The following TMEM38B variants were observed in gnomAD, a reference collection of about 807,000 sequenced individuals.
The protein encoded by TMEM38B is transmembrane protein 38B.
TMEM38B carries 24 observed loss-of-function variants against 28.7 expected under a neutral mutation model. The observed-to-expected ratio is 0.84, with a 90% CI of 0.61 to 1.18. The LOEUF is 1.18. Ranked by LOEUF, TMEM38B falls within the 50% of genes most tolerant of loss-of-function variation. The probability of loss-of-function intolerance (pLI) is 0.00; values close to 1 mark genes in which losing one functional copy is unlikely to be tolerated. For synonymous variants in TMEM38B, 131 were observed against 127.7 expected, an observed-to-expected ratio of 1.03 and a Z score of -0.17; for missense variants, 380 against 350.9, an observed-to-expected ratio of 1.08 and a Z score of -0.66.
chr9:105,769,272 A>G (rs769591894), intron 5 of TMEM38B, among the ~76,000 whole-genome samples: 2 of 152,210 alleles, frequency 1.3e-5, no homozygotes, highest in Non-Finnish European at 2.9e-5. Context: ...TAACACTGAG[A>G]TACCATTTCT....
chr9:105,699,155 T>C (rs529985550), intron 1 of TMEM38B, among the ~76,000 whole-genome samples: 1 of 152,308 alleles, frequency 6.6e-6, no homozygotes, highest in South Asian at 2.1e-4. Flanking sequence ...GCTCAGTAGA[T>C]GGAGTGAGTA....
At position 105,743,615 on chromosome 9, in the gene TMEM38B, A is replaced by G. The variant is rs141236481; in HGVS notation, c.543-4458A>G. Among the ~76,000 whole-genome samples the G allele has an allele frequency of 7.9e-3, 1,208 of 152,302 alleles. 9 individuals carry two copies. Among genetic ancestry groups the G allele is most frequent in the African/African-American group, 0.027 (1,126 of 41,550 alleles). ...CAATTTAAGCATTAATATATTAGCT[A>G]AAAATAATATGCTGTCCTGGAGTTA... On this transcript the variant is annotated intron_variant, in intron 4 of 5. Coordinates refer to ENST00000374692, the MANE Select transcript of TMEM38B (RefSeq NM_018112.3).
intron 4 of TMEM38B, among the ~76,000 whole-genome samples, chr9:105,726,438 C>A (rs1346393487): frequency 6.6e-6 from 1 of 151,956 alleles, no homozygotes; most frequent in African/African-American, 2.4e-5. Flanking sequence ...GACATAAACA[C>A]ACACATTAGC....
intron 5 of TMEM38B, chr9:105,760,514 A>G: frequency 1.3e-6 from 1 of 743,384 alleles, no homozygotes; most frequent in Admixed American, 2.0e-5. Context: ...TTTGAAAAGC[A>G]AAAAGTTTCT....
intron 4 of TMEM38B, among the ~76,000 whole-genome samples, chr9:105,724,578 G>A (rs184057474): frequency 3.3e-5 from 5 of 150,302 alleles, no homozygotes; most frequent in African/African-American, 7.4e-5. Flanking sequence ...AGCTGAGATC[G>A]CACCACTGCA....
intron 5 of TMEM38B, among the ~76,000 whole-genome samples, chr9:105,764,419 G>A (rs1157300345): frequency 1.3e-5 from 2 of 152,084 alleles, no homozygotes; most frequent in African/African-American, 4.8e-5. Context: ...AAAATCACAA[G>A]CATTCTTATA....
rs190514430 is a variant in TMEM38B, at chr9:105,760,697, C to T, written c.660+12507C>T. ...GCAGCACTTTTTGGTGACAAACCTA[C>T]AATCAAGCAACCAATGCTGATTTTA... On this transcript the variant is annotated intron_variant, in intron 5 of 5. Coordinates refer to ENST00000374692, the MANE Select transcript of TMEM38B (RefSeq NM_018112.3). 2.4e-4 allele frequency: 303 copies of T among 1,258,856 alleles called. 1 individual carries two copies. The African/African-American group carries it at 3.8e-3, about 16-fold the overall frequency. The allele number at this position is 1,258,856 out of a possible 1,614,324, so 78.0% of individuals were successfully genotyped here. A position where few individuals can be genotyped will look rare whatever the true frequency, so the allele number is the denominator to read the frequency against.
chr9:105,696,328 C>A (rs1461987651), intron 1 of TMEM38B, among the ~76,000 whole-genome samples: 7 of 152,100 alleles, frequency 4.6e-5, no homozygotes, highest in Non-Finnish European at 8.8e-5. Flanking sequence ...CTCTGTCGCC[C>A]AGGCTGAAGT....
At chr9:105,772,353 TGGC>T in intron 5 of TMEM38B, among the ~76,000 whole-genome samples, 1 of 152,278 alleles carries the variant, frequency 6.6e-6, no homozygotes, top group South Asian at 2.1e-4. Flanking sequence ...CTTACAGCTT[TGGC>T]CTTCTCACAT....
intron 2 of TMEM38B, among the ~76,000 whole-genome samples, chr9:105,706,823 T>G (rs1445289799): frequency 6.6e-6 from 1 of 152,078 alleles, no homozygotes; most frequent in Non-Finnish European, 1.5e-5. Flanking sequence ...ACTTTTTTTT[T>G]TTTCTTTTTA....
intron 1 of TMEM38B, among the ~76,000 whole-genome samples, chr9:105,703,382 A>AT (rs1835523710): frequency 6.6e-6 from 1 of 152,208 alleles, no homozygotes; most frequent in African/African-American, 2.4e-5. Flanking sequence ...TGAACTCATC[A>AT]TTTTTTATGG....
At chr9:105,754,906 A>G (rs1319882054) in intron 5 of TMEM38B, among the ~76,000 whole-genome samples, 1 of 152,224 alleles carries the variant, frequency 6.6e-6, no homozygotes, top group Non-Finnish European at 1.5e-5. Flanking sequence ...GAAGAATCAA[A>G]TAAACACAAT....
chr9:105,765,887 C>T (rs774050046), intron 5 of TMEM38B, among the ~76,000 whole-genome samples: 8 of 151,942 alleles, frequency 5.3e-5, no homozygotes, highest in East Asian at 1.9e-4. Context: ...CTGCAACCTC[C>T]GCCGCATGGG....
chr9:105,715,991 C>T (rs148446186), intron 2 of TMEM38B, among the ~76,000 whole-genome samples: 1,551 of 152,218 alleles, frequency 0.01, 16 homozygotes, highest in Non-Finnish European at 0.017. Context: ...CATAAACTTG[C>T]AGAATGTGGT....
chr9:105,724,479 T>C (rs1836434627), intron 4 of TMEM38B, among the ~76,000 whole-genome samples: 1 of 151,822 alleles, frequency 6.6e-6, no homozygotes, highest in African/African-American at 2.4e-5. Context: ...AAAAACTAAC[T>C]GGGCGTGATG....
chr9:105,694,790 C>T lies in TMEM38B; in HGVS notation c.112+18C>T, dbSNP rs1038366004. ...TCAGCCGGGTGAGTGCGGGGCGCCGCGGGCCGGACCCCTCAGAGTGCTCCT... is the reference window on the plus strand; with the variant it reads ...TCAGCCGGGTGAGTGCGGGGCGCCGTGGGCCGGACCCCTCAGAGTGCTCCT... On this transcript the variant is annotated intron_variant, in intron 1 of 5. Transcript: ENST00000374692. 5.9e-6 allele frequency: 8 copies of T among 1,349,696 alleles called. No individual in the cohort carries two copies. The highest frequency in any genetic ancestry group is 7.9e-6 in the Non-Finnish European group (8 of 1,018,374). 83.6% of individuals were successfully genotyped at this position (1,349,696 alleles called of 1,614,324 possible).
intron 5 of TMEM38B, chr9:105,760,169 A>G: frequency 2.2e-6 from 2 of 907,620 alleles, no homozygotes. Flanking sequence ...AGAAAGCTTC[A>G]ACTTTTAATG....
At position 105,745,804 on chromosome 9, in the gene TMEM38B, G is replaced by A. The variant is rs867780704; in HGVS notation, c.543-2269G>A. ...AATTTCAGTTTTCTACATATGGCTAGCCAGTTTTCCCAGCACCATTTATTA... is the reference window on the plus strand; with the variant it reads ...AATTTCAGTTTTCTACATATGGCTAACCAGTTTTCCCAGCACCATTTATTA... On this transcript the variant is annotated intron_variant, in intron 4 of 5. Coordinates refer to ENST00000374692, the MANE Select transcript of TMEM38B (RefSeq NM_018112.3). 2.1e-4 allele frequency among the ~76,000 whole-genome samples: 32 copies of A among 152,224 alleles called. No individual in the cohort carries two copies. The South Asian group carries it at 6.4e-3, about 31-fold the overall frequency.
chr9:105,755,049 T>G (rs1039224122), intron 5 of TMEM38B, among the ~76,000 whole-genome samples: 6 of 152,128 alleles, frequency 3.9e-5, no homozygotes, highest in Non-Finnish European at 7.3e-5. Context: ...AAGAAATGGA[T>G]AAGTTCCTGG....
Sources: gnomAD v4.1 joint callset for allele counts (sites outside exome capture counted in the v4.1 genomes callset) on GRCh38, gnomAD v4.1.1 for gene constraint, MANE v1.5 for transcripts, NCBI Gene and HGNC (gene_info 2026-07-23, HGNC 2026-07-21) for gene names.